Variants in VPS9D1 observed in about 807,000 individuals in gnomAD.
VPS9D1 encodes VPS9 domain-containing protein 1.
Under a neutral mutation model 75.8 loss-of-function variants are expected in VPS9D1, and 78 were observed. The ratio of observed to expected loss-of-function variants is 1.03; its 90% CI spans 0.86 to 1.24. The LOEUF (loss-of-function observed/expected upper bound fraction) is 1.24, where lower values mean the gene tolerates loss of function less well. Among genes scored for constraint, VPS9D1 ranks in the 50% most tolerant of loss-of-function variants. VPS9D1 has a pLI of 0.00. For missense variants in VPS9D1, 1,057 were observed against 847.7 expected, an observed-to-expected ratio of 1.25 and a Z score of -3.07; for synonymous variants, 481 against 385.6, an observed-to-expected ratio of 1.25 and a Z score of -2.90.
At chr16:89,712,341 C>T (rs1299693549) in intron 6 of VPS9D1, 119 bp downstream of exon 6, 1 of 1,471,746 alleles carries the variant, frequency 6.8e-7, no homozygotes, top group African/African-American at 1.4e-5. Context: ...CGGGGAGCCC[C>T]TCGGCCCTGT....
rs763487202 is a variant in VPS9D1, at chr16:89,716,800, G to C, written c.198C>G (p.Pro66=). The C allele has an allele frequency of 6.3e-7, 1 of 1,587,268 alleles. No individual in the cohort carries two copies. The highest frequency in any genetic ancestry group is 1.4e-5 in the African/African-American group (1 of 73,402). The change falls in exon 3 of 15, where the codon CCC becomes CCG. Residue 66 remains proline, a synonymous_variant. Coordinates refer to ENST00000389386, the MANE Select transcript of VPS9D1 (RefSeq NM_004913.3). ...TTKEAGETVP[P]DTSKMLKLAQ... is the part of the protein sequence containing the mutation. Reference sequence around the variant, plus strand: ...CTAGCTTCAGCATCTTGGAGGTGTCGGGGGGCACAGTTTCCCCAGCTTCTG... The same window carrying C: ...CTAGCTTCAGCATCTTGGAGGTGTCCGGGGGCACAGTTTCCCCAGCTTCTG...
In VPS9D1 at chr16:89,719,346, A is replaced by C. The variant is rs1175497846; in HGVS notation, c.100-244T>G. On this transcript the variant is annotated intron_variant, in intron 1 of 14. Transcript: ENST00000389386. ...ACATCAGGACCTGAGAGAGAGAGAG[A>C]GCCAGGGACGAGCTGGACCTCATTT... The C allele has an allele frequency of 1.5e-5, 9 of 594,690 alleles. No individual in the cohort carries two copies. In the Admixed American group the frequency reaches 1.7e-4, roughly 11 times the overall value. 36.8% of individuals were successfully genotyped at this position (594,690 alleles called of 1,614,324 possible).
At position 89,709,492 on chromosome 16, in the gene VPS9D1, A is replaced by G. The variant is rs1251364484; in HGVS notation, c.1389-57T>C. ...CCAGGGACCTTGCCCTGGGGACAGA[A>G]GCAGGGCTGTGGCTGGAGCTCAGTC... is the stretch of plus-strand genomic sequence containing the variant. On this transcript the variant is annotated intron_variant, in intron 11 of 14. Coordinates refer to ENST00000389386, the MANE Select transcript of VPS9D1 (RefSeq NM_004913.3). The G allele has an allele frequency of 3.4e-6, 5 of 1,466,000 alleles. No homozygotes were observed. The African/African-American group carries it at 7.1e-5, about 21-fold the overall frequency. 90.8% of individuals were successfully genotyped at this position (1,466,000 alleles called of 1,614,324 possible). A position where few individuals can be genotyped will look rare whatever the true frequency, so the allele number is the denominator to read the frequency against.
At chr16:89,720,524 T>C (rs891354763) in intron 1 of VPS9D1, 4 of 1,156,780 alleles carry the variant, frequency 3.5e-6, no homozygotes, top group East Asian at 4.1e-5. Flanking sequence ...CAGGCTGTGA[T>C]GCACCGGCTC....
At chr16:89,711,772 G>A in intron 8 of VPS9D1, 110 bp downstream of exon 8, 2 of 1,274,134 alleles carry the variant, frequency 1.6e-6, no homozygotes, top group South Asian at 3.0e-5. Flanking sequence ...CCCCCTCACT[G>A]CCCCCCACAG....
chr16:89,708,745 A>G, intron 13 of VPS9D1, 112 bp downstream of exon 13: 2 of 1,246,122 alleles, frequency 1.6e-6, no homozygotes, highest in Non-Finnish European at 1.1e-6. Context: ...TCCTGCTTCT[A>G]CAGTGCAGCC....
chr16:89,711,248 C>T, intron 9 of VPS9D1, 79 bp downstream of exon 9: 3 of 1,462,532 alleles, frequency 2.1e-6, no homozygotes, highest in Non-Finnish European at 1.9e-6. Flanking sequence ...CAGTCCAGCC[C>T]CTCTCCGGCA....
At chr16:89,712,777 A>T in intron 4 of VPS9D1, 61 bp from the exon 5 acceptor site, 13 of 1,363,694 alleles carry the variant, frequency 9.5e-6, no homozygotes, top group Non-Finnish European at 1.3e-5. Context: ...TGGACACCAG[A>T]GGAGTCTCTC....
rs201159941 is a variant in VPS9D1, at chr16:89,710,528, G to A, written c.1258+58C>T. 2.6e-3 allele frequency: 3,944 copies of A among 1,517,874 alleles called. 102 individuals carry two copies. Among genetic ancestry groups the A allele is most frequent in the Non-Finnish European group, 5.5e-4 (614 of 1,125,448 alleles). The allele number at this position is 1,517,874 out of a possible 1,614,324, so 94.0% of individuals were successfully genotyped here. A position where few individuals can be genotyped will look rare whatever the true frequency, so the allele number is the denominator to read the frequency against. On this transcript the variant is annotated intron_variant, in intron 10 of 14. Transcript: ENST00000389386. Reference sequence around the variant, plus strand: ...CTTCCCCAAACAGAAGCTTGAAACGGACCAATAAGCAGGGGTGAAGAGCTG... The same window carrying A: ...CTTCCCCAAACAGAAGCTTGAAACGAACCAATAAGCAGGGGTGAAGAGCTG...
intron 6 of VPS9D1, 128 bp from the exon 7 acceptor site, chr16:89,712,227 G>C: frequency 7.1e-7 from 1 of 1,414,140 alleles, no homozygotes. Flanking sequence ...CCCCAGGTAA[G>C]GCTTCTGGGG....
In VPS9D1 at chr16:89,707,858, G is replaced by C. The variant is rs1353144033; in HGVS notation, c.*3C>G. On this transcript the variant is annotated 3_prime_UTR_variant, in exon 15 of 15. Coordinates refer to ENST00000389386, the MANE Select transcript of VPS9D1 (RefSeq NM_004913.3). ...CCTGCAGGGACCCTGGGCTCTAGCT[G>C]TACTACTTGGCCAGGCCTCCCCGGG... 3 of 1,612,838 alleles carry C rather than the reference G, an allele frequency of 1.9e-6. No homozygotes were observed. The African/African-American group carries it at 4.0e-5, about 22-fold the overall frequency.
rs1597915469 is a variant in VPS9D1, at chr16:89,712,869, C to T, written c.432-153G>A. The T allele has an allele frequency of 1.3e-5, 8 of 619,858 alleles. No individual in the cohort carries two copies. The East Asian group carries it at 2.5e-4, about 20-fold the overall frequency. 38.4% of individuals were successfully genotyped at this position (619,858 alleles called of 1,614,324 possible). A position where few individuals can be genotyped will look rare whatever the true frequency, so the allele number is the denominator to read the frequency against. On this transcript the variant is annotated intron_variant, in intron 4 of 14. Transcript: ENST00000389386. ...TCTGGGGTGGGCTGCAACATCTGCC[C>T]CTTCTTGCCTGCCCTTCCAAAACAC...
rs555718998 is a variant in VPS9D1, at chr16:89,708,023, G to A, written c.1803-69C>T. 29 of 1,484,266 alleles carry A rather than the reference G, an allele frequency of 2.0e-5. No individual in the cohort carries two copies. The Admixed American group carries it at 2.2e-4, about 11-fold the overall frequency. 91.9% of individuals were successfully genotyped at this position (1,484,266 alleles called of 1,614,324 possible). ...AAGGATACCCCCGGCCCTCCAGAAGGTAGTGTCTGCCCTCCCAGTTCAGGA... is the reference window on the plus strand; with the variant it reads ...AAGGATACCCCCGGCCCTCCAGAAGATAGTGTCTGCCCTCCCAGTTCAGGA... On this transcript the variant is annotated intron_variant, in intron 14 of 14. Transcript: ENST00000389386.
chr16:89,712,094 C>G lies in VPS9D1; in HGVS notation c.612G>C (p.Gln204His), dbSNP rs2060945110. 4 of 1,548,280 alleles carry G rather than the reference C, an allele frequency of 2.6e-6. No individual in the cohort carries two copies. Among genetic ancestry groups the G allele is most frequent in the Admixed American group, 3.9e-5 (2 of 50,988 alleles). The change falls in exon 7 of 15, where the codon CAG (glutamine) becomes CAC (histidine). Residue 204 changes from glutamine (Q) to histidine (H), a missense_variant. Gln to His is a conservative substitution (Grantham distance 24). Coordinates refer to ENST00000389386, the MANE Select transcript of VPS9D1 (RefSeq NM_004913.3). Reference protein sequence around the residue: ...VIAKAREETLQRKMEERRLRL... With the variant: ...VIAKAREETLHRKMEERRLRL... ...GCAGCCGGCGCTCCTCCATCTTTCT[C>G]TGGAGCTGGGTGCAGAGTCAAGGGG...
At chr16:89,710,534 T>C in intron 10 of VPS9D1, 52 bp downstream of exon 10, 4 of 1,528,836 alleles carry the variant, frequency 2.6e-6, no homozygotes, top group Admixed American at 3.9e-5. Flanking sequence ...AACGGACCAA[T>C]AAGCAGGGGT....
chr16:89,707,674 C>A lies in VPS9D1; in HGVS notation c.*187G>T. On this transcript the variant is annotated 3_prime_UTR_variant, in exon 15 of 15. Transcript: ENST00000389386. ...GGGCAGAGGTGCCAACCCCAAGCTC[C>A]AGGGTCAGATGTGAGGTGAGGAAGG... The A allele has an allele frequency of 1.7e-6, 1 of 586,078 alleles. No individual in the cohort carries two copies. 36.3% of individuals were successfully genotyped at this position (586,078 alleles called of 1,614,324 possible). A position where few individuals can be genotyped will look rare whatever the true frequency, so the allele number is the denominator to read the frequency against.
chr16:89,711,537 G>C lies in VPS9D1; in HGVS notation c.748-125C>G, dbSNP rs116196681. ...CGTCCTGGGGTGCAGGAGACCCAGC[G>C]CCAGCAGGCCCCGCGACCCGCCCCC... On this transcript the variant is annotated intron_variant, in intron 8 of 14. Transcript: ENST00000389386. The C allele has an allele frequency of 3.4e-3, 3,251 of 957,996 alleles. 82 individuals are homozygous for C. In the African/African-American group the frequency reaches 0.049, roughly 15 times the overall value. 59.3% of individuals were successfully genotyped at this position (957,996 alleles called of 1,614,324 possible).
chr16:89,716,352 TG>T, intron 4 of VPS9D1, 109 bp downstream of exon 4: 2 of 1,516,198 alleles, frequency 1.3e-6, no homozygotes, highest in Non-Finnish European at 1.8e-6. Flanking sequence ...GGTGACAGAG[TG>T]AGACTCTGTC....
Position 89,720,802 on chromosome 16 carries a change from G to T in VPS9D1, c.60C>A (p.Ala20=). 6.8e-7 allele frequency: 1 copy of T among 1,462,032 alleles called. No individual in the cohort carries two copies. The highest frequency in any genetic ancestry group is 1.3e-5 in the South Asian group (1 of 75,586). The allele number at this position is 1,462,032 out of a possible 1,614,324, so 90.6% of individuals were successfully genotyped here. A position where few individuals can be genotyped will look rare whatever the true frequency, so the allele number is the denominator to read the frequency against. ...VKPLQSAMKL[A]NGAIELDTGN... ...CGGTGTCCAGCTCGATGGCCCCGTT[G>T]GCAAGCTTCATGGCGCTCTGCAGCG... Residue 20 remains alanine (A), a synonymous_variant, in exon 1 of 15, where the codon GCC becomes GCA. Coordinates refer to ENST00000389386, the MANE Select transcript of VPS9D1 (RefSeq NM_004913.3).
Sources: allele counts gnomAD v4.1 joint callset, GRCh38; gene constraint gnomAD v4.1.1; transcripts MANE v1.5; gene names NCBI Gene and HGNC (gene_info 2026-07-23, HGNC 2026-07-21).